SMOC2: variants seen among roughly 807,000 people sequenced by gnomAD.
The protein encoded by SMOC2 is SPARC related modular calcium binding 2.
In SMOC2, 39 loss-of-function variants were observed where a neutral mutation model predicts 61.4. That is an observed-to-expected ratio of 0.64 (90% confidence interval 0.49 to 0.83). The LOEUF is 0.83. Ranked by LOEUF, SMOC2 falls within the 40% of genes least tolerant of loss-of-function variation. The probability of loss-of-function intolerance (pLI) is 0.00; values close to 1 mark genes in which losing one functional copy is unlikely to be tolerated. For missense variants in SMOC2, 556 were observed against 592.9 expected (o/e 0.94, Z 0.65); for synonymous variants, 247 against 239.9 (o/e 1.03, Z -0.27).
chr6:168,652,870 G>A, intron 10 of SMOC2, 84 bp from the exon 11 acceptor site: 2 of 1,336,672 alleles, frequency 1.5e-6, no homozygotes, highest in Non-Finnish European at 2.1e-6. Context: ...ACAAGCAGGG[G>A]TTATGGGTTT....
intron 9 of SMOC2, among the ~76,000 whole-genome samples, chr6:168,612,866 G>A (rs924600075): frequency 6.6e-6 from 1 of 152,214 alleles, no homozygotes; most frequent in Non-Finnish European, 1.5e-5. Flanking sequence ...CAGGTTCAGG[G>A]CAGGAGCATC....
chr6:168,663,946 T>C, intron 11 of SMOC2, 128 bp from the exon 12 acceptor site: 2 of 731,032 alleles, frequency 2.7e-6, no homozygotes, highest in Non-Finnish European at 4.5e-6. Flanking sequence ...GTTTTTTTCA[T>C]ATAAATGAGT....
chr6:168,608,155 A>G lies in SMOC2; in HGVS notation c.825-2A>G. 1 of 1,613,130 alleles carries G rather than the reference A, an allele frequency of 6.2e-7. No homozygotes were observed. On this transcript the variant is annotated splice_acceptor_variant, in intron 8 of 12. Coordinates refer to ENST00000356284, the MANE Select transcript of SMOC2 (RefSeq NM_001166412.2). LOFTEE classifies it high-confidence loss of function. ...CTTCCCCCGCCTTCCCCCCGCCCAT[A>G]GGTACGAGCAGCCGAAATGTGACAA... is the stretch of plus-strand genomic sequence containing the variant.
chr6:168,453,990 C>T lies in SMOC2; in HGVS notation c.84+12536C>T, dbSNP rs948872711. Among the ~76,000 whole-genome samples, 2 of 152,010 alleles carry T rather than the reference C, an allele frequency of 1.3e-5. No homozygotes were observed. The highest frequency in any genetic ancestry group is 4.8e-5 in the African/African-American group (2 of 41,402). ...GTTTTGTCTATCTTTCTTTGCCCCTCTATTTCTGTCTCGATCTCTCTCTGT... is the reference window on the plus strand; with the variant it reads ...GTTTTGTCTATCTTTCTTTGCCCCTTTATTTCTGTCTCGATCTCTCTCTGT... On this transcript the variant is annotated intron_variant, in intron 1 of 12. Coordinates refer to ENST00000356284, the MANE Select transcript of SMOC2 (RefSeq NM_001166412.2). The surrounding 1 kb of genome is among the most constrained non-coding windows in gnomAD (Gnocchi z 4.4).
intron 1 of SMOC2, among the ~76,000 whole-genome samples, chr6:168,451,599 GTCTCTCTCTCTC>G (rs59096709): frequency 4.8e-5 from 7 of 145,532 alleles, no homozygotes; most frequent in Non-Finnish European, 1.1e-4. Flanking sequence ...CTCTGTCTCT[GTCTCTCTCTCTC>G]TCTCTCTCTC....
chr6:168,658,616 C>T (rs1421056225), intron 11 of SMOC2, among the ~76,000 whole-genome samples: 6 of 152,108 alleles, frequency 3.9e-5, no homozygotes, highest in African/African-American at 1.2e-4. Flanking sequence ...TCAATTAAAC[C>T]GAAGTGAATG....
intron 4 of SMOC2, among the ~76,000 whole-genome samples, chr6:168,537,260 T>C (rs1783754660): frequency 6.6e-6 from 1 of 152,238 alleles, no homozygotes; most frequent in Non-Finnish European, 1.5e-5. Flanking sequence ...TACAGCAGTC[T>C]GCAGGCTGTG....
At position 168,518,888 on chromosome 6, in the gene SMOC2, T is replaced by C. The variant is rs182338254; in HGVS notation, c.257-7458T>C. 3.6e-4 allele frequency among the ~76,000 whole-genome samples: 54 copies of C among 151,734 alleles called. No homozygotes were observed. In the East Asian group the frequency reaches 8.4e-3, roughly 24 times the overall value. On this transcript the variant is annotated intron_variant, in intron 2 of 12. Coordinates refer to ENST00000356284, the MANE Select transcript of SMOC2 (RefSeq NM_001166412.2). Reference sequence around the variant, plus strand: ...ATGAATGTATTCATGTGTCTGAGCATGCGTGTGTGTGCGTGCATGTGTGAG... The same window carrying C: ...ATGAATGTATTCATGTGTCTGAGCACGCGTGTGTGTGCGTGCATGTGTGAG...
chr6:168,485,614 A>G lies in SMOC2; in HGVS notation c.85-24301A>G, dbSNP rs73272934. On this transcript the variant is annotated intron_variant, in intron 1 of 12. Coordinates refer to ENST00000356284, the MANE Select transcript of SMOC2 (RefSeq NM_001166412.2). ...AGTCTCTATATAAAATGCCCAGAAT[A>G]GGGAAATCTATAGAGAAAGAAAGCA... 7.1e-3 allele frequency among the ~76,000 whole-genome samples: 1,080 copies of G among 152,350 alleles called. 13 individuals are homozygous for G. The highest frequency in any genetic ancestry group is 0.025 in the African/African-American group (1,037 of 41,588).
chr6:168,640,130 T>A (rs185237033), intron 9 of SMOC2, among the ~76,000 whole-genome samples: 1 of 152,228 alleles, frequency 6.6e-6, no homozygotes, highest in African/African-American at 2.4e-5. Context: ...AGCCCTCCAG[T>A]CTTTGTTCCC....
At chr6:168,496,758 C>T (rs894430412) in intron 1 of SMOC2, among the ~76,000 whole-genome samples, 9 of 152,218 alleles carry the variant, frequency 5.9e-5, no homozygotes, top group East Asian at 3.9e-4. Context: ...TGCACCTCAG[C>T]GTGGGGACCC....
chr6:168,580,703 G>A (rs573070649), intron 7 of SMOC2, among the ~76,000 whole-genome samples: 1 of 152,198 alleles, frequency 6.6e-6, no homozygotes, highest in African/African-American at 2.4e-5. Flanking sequence ...CACCACATCT[G>A]GCTGATTTTT....
intron 1 of SMOC2, among the ~76,000 whole-genome samples, chr6:168,489,187 C>T (rs1246007228): frequency 1.3e-5 from 2 of 150,884 alleles, no homozygotes; most frequent in African/African-American, 2.4e-5. Flanking sequence ...CCCCTTGCAT[C>T]ACACTGTTTT....
At chr6:168,532,958 C>T (rs1480318411) in intron 4 of SMOC2, among the ~76,000 whole-genome samples, 1 of 152,208 alleles carries the variant, frequency 6.6e-6, no homozygotes, top group African/African-American at 2.4e-5. Flanking sequence ...GGGAAGAAGA[C>T]ATCTGTTTCT....
chr6:168,622,171 T>C (rs573687183), intron 9 of SMOC2, among the ~76,000 whole-genome samples: 20 of 152,246 alleles, frequency 1.3e-4, no homozygotes, highest in Admixed American at 1.2e-3. Context: ...TTTCACCGTG[T>C]TAGCCAGGAT....
Position 168,634,273 on chromosome 6 carries a change from A to G in SMOC2, c.908-16408A>G, listed in dbSNP as rs142499029. 4.5e-3 allele frequency among the ~76,000 whole-genome samples: 680 copies of G among 152,346 alleles called. 1 individual carries two copies. The highest frequency in any genetic ancestry group is 0.01 in the Middle Eastern group (3 of 294). On this transcript the variant is annotated intron_variant, in intron 9 of 12. Coordinates refer to ENST00000356284, the MANE Select transcript of SMOC2 (RefSeq NM_001166412.2). ...TCTGTTTACTCATTAGGAAAAAAGA[A>G]TGATACTAAGTCCTGAGATTGTTGG...
chr6:168,659,618 C>A (rs376496426), intron 11 of SMOC2, among the ~76,000 whole-genome samples: 7 of 17,056 alleles, frequency 4.1e-4, no homozygotes, highest in Non-Finnish European at 6.3e-4. Flanking sequence ...AGGTTGTAGG[C>A]TGAGTGAGGG....
At position 168,664,177 on chromosome 6, in the gene SMOC2, G is replaced by A. The variant is rs1370045062; in HGVS notation, c.1323+66G>A. On this transcript the variant is annotated intron_variant, in intron 12 of 12. Transcript: ENST00000356284. ...AAATTATAAACAATAAAAATTCAGA[G>A]TTATGTAGATTTGCAATGGCCAGTA... The A allele has an allele frequency of 3.7e-6, 5 of 1,340,434 alleles. No individual in the cohort carries two copies. The African/African-American group carries it at 4.4e-5, about 12-fold the overall frequency. 83.0% of individuals were successfully genotyped at this position (1,340,434 alleles called of 1,614,324 possible).
chr6:168,519,556 C>T (rs1465579171), intron 2 of SMOC2, among the ~76,000 whole-genome samples: 1 of 152,140 alleles, frequency 6.6e-6, no homozygotes, highest in Non-Finnish European at 1.5e-5. Context: ...TCGTGTGCAG[C>T]CGTGATCAGA....
Sources: allele counts gnomAD v4.1 joint callset (sites outside exome capture counted in the v4.1 genomes callset), GRCh38; gene constraint gnomAD v4.1.1; non-coding constraint Gnocchi (gnomAD v3.1); transcripts MANE v1.5; gene names NCBI Gene and HGNC (gene_info 2026-07-23, HGNC 2026-07-21).